Variants in PTPRR observed in about 807,000 individuals in gnomAD.
PTPRR encodes receptor-type tyrosine-protein phosphatase R.
In PTPRR, 38 loss-of-function variants were observed where a neutral mutation model predicts 77.2. The ratio of observed to expected loss-of-function variants is 0.49; its 90% CI spans 0.38 to 0.65. The LOEUF (loss-of-function observed/expected upper bound fraction) is 0.65. Ranked by LOEUF, PTPRR falls within the 30% of genes least tolerant of loss-of-function variation. PTPRR has a pLI of 0.00. For synonymous variants in PTPRR, 299 were observed against 283.1 expected (o/e 1.06, Z -0.57); for missense variants, 744 against 799.2 (o/e 0.93, Z 0.83).
chr12:70,911,345 G>A (rs1220249482), intron 1 of PTPRR, among the ~76,000 whole-genome samples: 15 of 152,242 alleles, frequency 9.9e-5, no homozygotes, highest in South Asian at 2.1e-4. Context: ...ATAGACCTAT[G>A]AGCAGCATCC....
At chr12:70,697,206 C>T (rs1278513945) in intron 8 of PTPRR, among the ~76,000 whole-genome samples, 1 of 152,120 alleles carries the variant, frequency 6.6e-6, no homozygotes, top group African/African-American at 2.4e-5. Context: ...TGTTAAGTTT[C>T]CAATTCTCTA....
chr12:70,853,915 G>A (rs1464479228), intron 2 of PTPRR, among the ~76,000 whole-genome samples: 1 of 152,206 alleles, frequency 6.6e-6, no homozygotes, highest in Non-Finnish European at 1.5e-5. Context: ...ATCAAAAAGT[G>A]GGACATACAG....
intron 2 of PTPRR, among the ~76,000 whole-genome samples, chr12:70,818,379 T>G (rs1891944763): frequency 6.6e-6 from 1 of 152,120 alleles, no homozygotes; most frequent in African/African-American, 2.4e-5. Context: ...AGGTAGCTGA[T>G]AACATCAATG....
rs754226891 is a variant in PTPRR, at chr12:70,903,209, T to A, written c.59-10232A>T. 4.0e-5 allele frequency among the ~76,000 whole-genome samples: 6 copies of A among 151,806 alleles called. No individual in the cohort carries two copies. The Admixed American group carries it at 4.0e-4, about 10-fold the overall frequency. On this transcript the variant is annotated intron_variant, in intron 1 of 13. Coordinates refer to ENST00000283228, the MANE Select transcript of PTPRR (RefSeq NM_002849.4). The stretch of plus-strand genomic sequence containing the variant: ...TGCACAGCAGGGTGACTATAGTCAA[T>A]AATTTATTGTGTATTTCAAAATATC...
intron 2 of PTPRR, among the ~76,000 whole-genome samples, chr12:70,877,947 A>T (rs1406199101): frequency 2.0e-5 from 3 of 152,190 alleles, no homozygotes; most frequent in African/African-American, 7.2e-5. Flanking sequence ...ATAATGCTGC[A>T]TATCTACAAC....
intron 2 of PTPRR, among the ~76,000 whole-genome samples, chr12:70,840,904 G>A (rs545871862): frequency 8.6e-5 from 13 of 151,440 alleles, no homozygotes; most frequent in Non-Finnish European, 7.4e-5. Context: ...TGAAGTCACC[G>A]TGCCATTCAC....
rs765892812 is a variant in PTPRR at position 70,865,466 on chromosome 12, C to T, written c.357+27213G>A. On this transcript the variant is annotated intron_variant, in intron 2 of 13. Transcript: ENST00000283228. ...GGTGGAAAATTTTCCTCCAGTGAAACGGAAGGGATACTAAAATGATGATGA... is the reference window on the plus strand; with the variant it reads ...GGTGGAAAATTTTCCTCCAGTGAAATGGAAGGGATACTAAAATGATGATGA... Among the ~76,000 whole-genome samples the T allele has an allele frequency of 4.6e-5, 7 of 152,008 alleles. No homozygotes were observed. In the East Asian group the frequency reaches 5.8e-4, roughly 13 times the overall value.
chr12:70,898,638 AT>A (rs1893477709), intron 1 of PTPRR, among the ~76,000 whole-genome samples: 1 of 150,542 alleles, frequency 6.6e-6, no homozygotes, highest in Non-Finnish European at 1.5e-5. Context: ...AAATTATACC[AT>A]TAAATGGTCT....
intron 2 of PTPRR, among the ~76,000 whole-genome samples, chr12:70,805,448 G>GGCTCCTGT (rs1444809737): frequency 6.6e-6 from 1 of 151,972 alleles, no homozygotes; most frequent in African/African-American, 2.4e-5. Flanking sequence ...TGGGCTCCTG[G>GGCTCCTGT]GCTTAAGCGA....
intron 1 of PTPRR, among the ~76,000 whole-genome samples, chr12:70,904,081 A>G (rs991549113): frequency 3.3e-5 from 5 of 151,902 alleles, no homozygotes; most frequent in Non-Finnish European, 5.9e-5. Flanking sequence ...GAGGATCTGG[A>G]GCAACTGGAA....
intron 13 of PTPRR, among the ~76,000 whole-genome samples, chr12:70,649,637 G>A (rs10879176): frequency 0.25 from 37,766 of 151,958 alleles, 6,780 homozygotes; most frequent in African/African-American, 0.5. Context: ...GTGCAGTGGC[G>A]TGAAGTCGGC....
Position 70,872,694 on chromosome 12 carries a change from CAAAAAAAAAAA to C in PTPRR, c.357+19974_357+19984del, listed in dbSNP as rs377557224. On this transcript the variant is annotated intron_variant, in intron 2 of 13. Transcript: ENST00000283228. Reference sequence around the variant, plus strand: ...TGGGCGACAGAGTGAGACTCTGTCTCAAAAAAAAAAAAAAAAAAAAAAAAAACAATCCACCA... The same window carrying C: ...TGGGCGACAGAGTGAGACTCTGTCTCAAAAAAAAAAAAAAACAATCCACCA... 3.7e-3 allele frequency among the ~76,000 whole-genome samples: 161 copies of C among 43,450 alleles called. 1 individual carries two copies. The highest frequency in any genetic ancestry group is 5.1e-3 in the Non-Finnish European group (138 of 26,976). 28.5% of individuals were successfully genotyped at this position (43,450 alleles called of 152,430 possible). A position where few individuals can be genotyped will look rare whatever the true frequency, so the allele number is the denominator to read the frequency against.
intron 2 of PTPRR, among the ~76,000 whole-genome samples, chr12:70,874,678 CT>C (rs1292087292): frequency 6.6e-6 from 1 of 152,118 alleles, no homozygotes; most frequent in Non-Finnish European, 1.5e-5. Flanking sequence ...AATCCCAGCA[CT>C]TTGGGAGGCC....
chr12:70,839,364 A>G (rs943423993), intron 2 of PTPRR, among the ~76,000 whole-genome samples: 1 of 151,848 alleles, frequency 6.6e-6, no homozygotes, highest in Non-Finnish European at 1.5e-5. Flanking sequence ...TACATCATTG[A>G]CCATTTGAAC....
chr12:70,918,356 A>G (rs181810931), intron 1 of PTPRR, among the ~76,000 whole-genome samples: 350 of 152,364 alleles, frequency 2.3e-3, no homozygotes, highest in African/African-American at 6.4e-3. Flanking sequence ...AATGAATAGT[A>G]TCTTGCAATT....
At chr12:70,754,720 CAA>C (rs1565683655) in intron 4 of PTPRR, 2 of 1,584,012 alleles carry the variant, frequency 1.3e-6, no homozygotes, top group South Asian at 2.2e-5. Flanking sequence ...TACTTTTAAA[CAA>C]AAGTGAAACA....
rs187804550 is a variant in PTPRR at position 70,903,792 on chromosome 12, G to T, written c.59-10815C>A. Among the ~76,000 whole-genome samples, 9 of 151,860 alleles carry T rather than the reference G, an allele frequency of 5.9e-5. No homozygotes were observed. The East Asian group carries it at 1.2e-3, about 20-fold the overall frequency. On this transcript the variant is annotated intron_variant, in intron 1 of 13. Transcript: ENST00000283228. Reference sequence around the variant, plus strand: ...AAGATACTGTTAAGAAAGGGAGAAAGCTAGCTAGAGAGTGGGAGAAAAATA... The same window carrying T: ...AAGATACTGTTAAGAAAGGGAGAAATCTAGCTAGAGAGTGGGAGAAAAATA...
intron 2 of PTPRR, among the ~76,000 whole-genome samples, chr12:70,869,694 C>T (rs115410241): frequency 0.023 from 3,525 of 152,034 alleles, 134 homozygotes; most frequent in African/African-American, 0.08. Flanking sequence ...GATATGATGG[C>T]TGATGAAGAG....
intron 2 of PTPRR, among the ~76,000 whole-genome samples, chr12:70,816,275 G>T (rs1891900917): frequency 6.6e-6 from 1 of 151,936 alleles, no homozygotes; most frequent in Non-Finnish European, 1.5e-5. Flanking sequence ...CCTTACCTAG[G>T]AGTATATGCA....
Sources: allele counts gnomAD v4.1 joint callset (sites outside exome capture counted in the v4.1 genomes callset), GRCh38; gene constraint gnomAD v4.1.1; transcripts MANE v1.5; gene names NCBI Gene and HGNC (gene_info 2026-07-23, HGNC 2026-07-21).